Variants in MDGA2 observed in about 807,000 individuals in gnomAD.
MDGA2 encodes MAM domain containing glycosylphosphatidylinositol anchor 2.
Under a neutral mutation model 117.8 loss-of-function variants are expected in MDGA2, and 40 were observed. That is an observed-to-expected ratio of 0.34 (90% CI 0.26 to 0.44). MDGA2 has a LOEUF of 0.44. Ranked by LOEUF, MDGA2 falls within the 20% of genes least tolerant of loss-of-function variation. The pLI, the probability that MDGA2 is intolerant of heterozygous loss-of-function variation, is 1.00. For synonymous variants in MDGA2, 452 were observed against 439.0 expected (o/e 1.03, Z -0.37); for missense variants, 1,123 against 1,250.6 (o/e 0.90, Z 1.54).
intron 8 of MDGA2, among the ~76,000 whole-genome samples, chr14:46,977,056 T>G (rs1886489142): frequency 6.6e-6 from 1 of 151,946 alleles, no homozygotes; most frequent in South Asian, 2.1e-4. Flanking sequence ...AAATTCTCAA[T>G]TCTTTATTAT....
intron 6 of MDGA2, among the ~76,000 whole-genome samples, chr14:47,068,395 C>T (rs919116565): frequency 3.4e-4 from 32 of 95,252 alleles, no homozygotes; most frequent in African/African-American, 1.7e-3. Flanking sequence ...CATTTTAATC[C>T]TATTTTAAGT....
intron 5 of MDGA2, among the ~76,000 whole-genome samples, chr14:47,122,765 C>T (rs555416315): frequency 6.6e-6 from 1 of 152,014 alleles, no homozygotes; most frequent in South Asian, 2.1e-4. Context: ...TTTCACTAGA[C>T]CAGTAAAACT....
At chr14:47,530,502 T>C (rs1895075023) in intron 1 of MDGA2, among the ~76,000 whole-genome samples, 1 of 152,228 alleles carries the variant, frequency 6.6e-6, no homozygotes. Context: ...CATACAGATG[T>C]TATGCTAAAG....
chr14:47,040,794 G>A (rs1424787150), intron 7 of MDGA2, among the ~76,000 whole-genome samples: 2 of 152,122 alleles, frequency 1.3e-5, no homozygotes, highest in Non-Finnish European at 2.9e-5. Flanking sequence ...ACCTGTCCTT[G>A]TGACTTTGTC....
chr14:47,088,414 T>C (rs1340437595), intron 6 of MDGA2, among the ~76,000 whole-genome samples: 1 of 152,120 alleles, frequency 6.6e-6, no homozygotes, highest in African/African-American at 2.4e-5. Context: ...CAGTTCTGCT[T>C]TTGGGGAATG....
intron 6 of MDGA2, among the ~76,000 whole-genome samples, chr14:47,096,318 TTTTG>T (rs897770970): frequency 2.0e-5 from 3 of 152,178 alleles, no homozygotes; most frequent in Middle Eastern, 3.4e-3. Flanking sequence ...TTTCTATATC[TTTTG>T]TTTATTCTTT....
At chr14:46,858,428 C>CTTTTTTTTT (rs71112466) in intron 14 of MDGA2, among the ~76,000 whole-genome samples, 68 of 123,788 alleles carry the variant, frequency 5.5e-4, no homozygotes, top group Non-Finnish European at 8.4e-4. Flanking sequence ...TTCTTTTTTT[C>CTTTTTTTTT]TTTTTTTTTT....
chr14:47,391,074 G>C (rs10141027), intron 1 of MDGA2, among the ~76,000 whole-genome samples: 69,921 of 151,974 alleles, frequency 0.46, 16,613 homozygotes, highest in East Asian at 0.61. Context: ...TTAAGGTGCT[G>C]TTCTCTCTGG....
chr14:47,439,673 A>G (rs1255479969), intron 1 of MDGA2, among the ~76,000 whole-genome samples: 1 of 151,986 alleles, frequency 6.6e-6, no homozygotes, highest in East Asian at 1.9e-4. Flanking sequence ...ATAATGACCG[A>G]CTAAATTTTT....
chr14:47,060,217 T>A (rs1188776373), intron 7 of MDGA2, among the ~76,000 whole-genome samples: 1 of 152,114 alleles, frequency 6.6e-6, no homozygotes, highest in East Asian at 1.9e-4. Context: ...AAATTGAATA[T>A]CTTCTAGGAA....
chr14:47,437,020 T>C (rs912968871), intron 1 of MDGA2, among the ~76,000 whole-genome samples: 2 of 152,148 alleles, frequency 1.3e-5, no homozygotes, highest in African/African-American at 4.8e-5. Flanking sequence ...TCTAACACCA[T>C]ACAAAAAGCT....
chr14:47,529,478 T>G (rs1395034549), intron 1 of MDGA2, among the ~76,000 whole-genome samples: 1 of 152,162 alleles, frequency 6.6e-6, no homozygotes, highest in Non-Finnish European at 1.5e-5. Flanking sequence ...TTATCTTTTG[T>G]GTTACAAACA....
At chr14:46,896,491 C>T (rs537505422) in intron 10 of MDGA2, among the ~76,000 whole-genome samples, 55 of 151,716 alleles carry the variant, frequency 3.6e-4, no homozygotes, top group South Asian at 2.3e-3. Flanking sequence ...TATGTTGGCA[C>T]GAAAAAAGTA....
intron 1 of MDGA2, among the ~76,000 whole-genome samples, chr14:47,490,632 T>C (rs1360703227): frequency 1.3e-5 from 2 of 152,090 alleles, no homozygotes; most frequent in Non-Finnish European, 2.9e-5. Context: ...AAAGCTATAA[T>C]AGAAGTAACA....
intron 1 of MDGA2, among the ~76,000 whole-genome samples, chr14:47,305,739 T>C (rs1404282188): frequency 3.3e-5 from 5 of 152,182 alleles, no homozygotes; most frequent in Non-Finnish European, 7.3e-5. Context: ...GCTAAAGGCT[T>C]ACAGCCTACT....
intron 3 of MDGA2, among the ~76,000 whole-genome samples, chr14:47,165,608 C>CCTCA (rs1883837154): frequency 6.6e-6 from 1 of 152,096 alleles, no homozygotes; most frequent in South Asian, 2.1e-4. Context: ...CTCGAAGGAC[C>CCTCA]CTCAATTGCT....
intron 10 of MDGA2, among the ~76,000 whole-genome samples, chr14:46,896,509 A>G (rs1883083798): frequency 6.6e-6 from 1 of 152,140 alleles, no homozygotes; most frequent in African/African-American, 2.4e-5. Context: ...GTAATGGAGG[A>G]TCAAGCAGAG....
intron 8 of MDGA2, among the ~76,000 whole-genome samples, chr14:46,984,388 AATTAT>A (rs771737686): frequency 2.0e-4 from 30 of 151,964 alleles, no homozygotes; most frequent in Non-Finnish European, 2.9e-5. Flanking sequence ...TGAGTGTTTC[AATTAT>A]ATTTTGTATA....
At chr14:47,354,057 A>G (rs1030474414) in intron 1 of MDGA2, among the ~76,000 whole-genome samples, 1 of 152,204 alleles carries the variant, frequency 6.6e-6, no homozygotes, top group Non-Finnish European at 1.5e-5. Flanking sequence ...CAAAAACTAT[A>G]TGATCATCTC....
Sources: allele counts gnomAD v4.1 joint callset (sites outside exome capture counted in the v4.1 genomes callset), GRCh38; gene constraint gnomAD v4.1.1; transcripts MANE v1.5; gene names NCBI Gene and HGNC (gene_info 2026-07-23, HGNC 2026-07-21).